Variants in MEI4 observed in about 807,000 individuals in gnomAD.
MEI4 encodes meiosis-specific protein MEI4.
MEI4 carries 27 observed loss-of-function variants against 31.4 expected under a neutral mutation model. That is an observed-to-expected ratio of 0.86 (90% CI 0.63 to 1.19). The LOEUF (loss-of-function observed/expected upper bound fraction) is 1.19, where lower values mean the gene tolerates loss of function less well. Ranked by LOEUF, MEI4 falls within the 50% of genes most tolerant of loss-of-function variation. The pLI, the probability that MEI4 is intolerant of heterozygous loss-of-function variation, is 0.00. For missense variants in MEI4, 329 were observed against 398.9 expected (o/e 0.82, Z 1.49); for synonymous variants, 122 against 145.4 (o/e 0.84, Z 1.16).
At chr6:77,728,869 G>A (rs932444402) in intron 2 of MEI4, among the ~76,000 whole-genome samples, 1 of 152,170 alleles carries the variant, frequency 6.6e-6, no homozygotes, top group African/African-American at 2.4e-5. Context: ...GAATTCTTTG[G>A]TGAACTTTAG....
intron 4 of MEI4, among the ~76,000 whole-genome samples, chr6:77,914,536 G>A (rs961453751): frequency 2.0e-5 from 3 of 152,004 alleles, no homozygotes; most frequent in African/African-American, 7.2e-5. Context: ...TTCATGTGCT[G>A]ATAAGAATAA....
At chr6:77,772,347 A>G (rs1768339307) in intron 3 of MEI4, among the ~76,000 whole-genome samples, 1 of 151,934 alleles carries the variant, frequency 6.6e-6, no homozygotes, top group Non-Finnish European at 1.5e-5. Flanking sequence ...AAATTCCACA[A>G]CACATTAAAA....
intron 2 of MEI4, among the ~76,000 whole-genome samples, chr6:77,696,856 G>C (rs1266941839): frequency 6.6e-6 from 1 of 152,212 alleles, no homozygotes; most frequent in Non-Finnish European, 1.5e-5. Context: ...GCTCCTCCTA[G>C]TACCTCTGGT....
intron 2 of MEI4, among the ~76,000 whole-genome samples, chr6:77,751,976 AATAAAC>A: frequency 6.6e-6 from 1 of 152,292 alleles, no homozygotes; most frequent in Non-Finnish European, 1.5e-5. Flanking sequence ...TACACAAATC[AATAAAC>A]ATAATCCATC....
At chr6:77,677,249 A>C (rs1473924071) in intron 1 of MEI4, among the ~76,000 whole-genome samples, 1 of 152,170 alleles carries the variant, frequency 6.6e-6, no homozygotes, top group Admixed American at 6.5e-5. Context: ...TCATAGCTTC[A>C]ACTGCCACCT....
intron 2 of MEI4, among the ~76,000 whole-genome samples, chr6:77,695,290 G>A (rs921836917): frequency 4.8e-4 from 73 of 152,036 alleles, no homozygotes; most frequent in African/African-American, 1.6e-3. Context: ...TGTCAATTTT[G>A]GCTTTTGTTG....
At chr6:77,920,316 T>C (rs1766673312) in intron 4 of MEI4, among the ~76,000 whole-genome samples, 1 of 152,080 alleles carries the variant, frequency 6.6e-6, no homozygotes, top group Non-Finnish European at 1.5e-5. Flanking sequence ...CAAGTGGGCT[T>C]CATCCGTGGG....
chr6:77,888,591 A>G (rs1771681256), intron 4 of MEI4, among the ~76,000 whole-genome samples: 1 of 152,148 alleles, frequency 6.6e-6, no homozygotes, highest in Non-Finnish European at 1.5e-5. Flanking sequence ...TCACTTTGGA[A>G]GGATAACTAA....
intron 3 of MEI4, among the ~76,000 whole-genome samples, chr6:77,781,851 T>C (rs1476796338): frequency 6.6e-6 from 1 of 152,190 alleles, no homozygotes; most frequent in African/African-American, 2.4e-5. Context: ...CCCAAGGCCC[T>C]GTACTCTGCT....
intron 2 of MEI4, among the ~76,000 whole-genome samples, chr6:77,730,715 G>A (rs1464015086): frequency 6.6e-6 from 1 of 151,776 alleles, no homozygotes; most frequent in African/African-American, 2.4e-5. Flanking sequence ...CCATGCTGGT[G>A]CGCTGCACCC....
At chr6:77,759,518 T>C (rs1767998117) in intron 2 of MEI4, among the ~76,000 whole-genome samples, 1 of 152,228 alleles carries the variant, frequency 6.6e-6, no homozygotes, top group South Asian at 2.1e-4. Flanking sequence ...CTGAACTTTT[T>C]ATAGTCTCTT....
chr6:77,902,354 C>G (rs1298911037), intron 4 of MEI4, among the ~76,000 whole-genome samples: 1 of 152,016 alleles, frequency 6.6e-6, no homozygotes, highest in Non-Finnish European at 1.5e-5. Context: ...AGGCATCTTT[C>G]TGTTTAGTTG....
chr6:77,731,225 C>G (rs1225391593), intron 2 of MEI4, among the ~76,000 whole-genome samples: 1 of 148,842 alleles, frequency 6.7e-6, no homozygotes, highest in East Asian at 2.0e-4. Context: ...AATGGTTGAA[C>G]TAGTTTACAG....
intron 4 of MEI4, among the ~76,000 whole-genome samples, chr6:77,888,320 T>C (rs1030878591): frequency 1.4e-5 from 2 of 143,980 alleles, no homozygotes; most frequent in East Asian, 4.3e-4. Flanking sequence ...CTAATTTTTT[T>C]GTATATCCTT....
chr6:77,872,146 T>C (rs1319470012), intron 4 of MEI4, among the ~76,000 whole-genome samples: 1 of 152,232 alleles, frequency 6.6e-6, no homozygotes, highest in East Asian at 1.9e-4. Flanking sequence ...GGCCACCGTT[T>C]AGAGCCTTTT....
intron 3 of MEI4, among the ~76,000 whole-genome samples, chr6:77,812,489 T>C (rs1053237749): frequency 6.6e-6 from 1 of 152,132 alleles, no homozygotes; most frequent in Admixed American, 6.6e-5. Context: ...GACTAAACTA[T>C]ATGCTTAGAG....
At chr6:77,815,724 A>G (rs1769673591) in intron 3 of MEI4, among the ~76,000 whole-genome samples, 2 of 152,134 alleles carry the variant, frequency 1.3e-5, no homozygotes, top group African/African-American at 2.4e-5. Flanking sequence ...AGTAACTGGT[A>G]CTGCTGGGTT....
intron 2 of MEI4, among the ~76,000 whole-genome samples, chr6:77,691,426 A>G (rs981324523): frequency 2.0e-5 from 3 of 152,056 alleles, no homozygotes; most frequent in Admixed American, 2.0e-4. Context: ...CCTTCTGCCT[A>G]GTTTCTGGGA....
At chr6:77,706,506 C>G (rs1766336292) in intron 2 of MEI4, among the ~76,000 whole-genome samples, 1 of 152,138 alleles carries the variant, frequency 6.6e-6, no homozygotes, top group South Asian at 2.1e-4. Context: ...TCCAAAGGCT[C>G]CCATATCAAG....
Sources: allele counts gnomAD v4.1 joint callset (sites outside exome capture counted in the v4.1 genomes callset), GRCh38; gene constraint gnomAD v4.1.1; transcripts MANE v1.5; gene names NCBI Gene and HGNC (gene_info 2026-07-23, HGNC 2026-07-21).